TAX1BP1: variants seen among roughly 807,000 people sequenced by gnomAD.
TAX1BP1 encodes the protein tax1-binding protein 1.
In TAX1BP1, 62 loss-of-function variants were observed where a neutral mutation model predicts 97.7. The observed-to-expected ratio is 0.63, with a 90% CI of 0.52 to 0.78. The LOEUF is 0.78. TAX1BP1 is among the 30% of genes least tolerant of loss of function. TAX1BP1 has a pLI of 0.00. For missense variants in TAX1BP1, 867 were observed against 916.1 expected (o/e 0.95, Z 0.69); for synonymous variants, 340 against 304.2 (o/e 1.12, Z -1.23).
At chr7:27,777,362 G>A (rs985516215) in intron 5 of TAX1BP1, among the ~76,000 whole-genome samples, 3 of 152,080 alleles carry the variant, frequency 2.0e-5, no homozygotes, top group African/African-American at 7.3e-5. Flanking sequence ...TACCAGAGCA[G>A]CATTTAGACT....
chr7:27,780,188 A>T (rs1031328300), intron 5 of TAX1BP1, among the ~76,000 whole-genome samples: 8 of 152,210 alleles, frequency 5.3e-5, no homozygotes, highest in Non-Finnish European at 1.0e-4. Context: ...AGAGTATCTT[A>T]TAACTTAATC....
At position 27,779,430 on chromosome 7, in the gene TAX1BP1, G is replaced by A. The variant is rs145298219; in HGVS notation, c.613-5733G>A. Among the ~76,000 whole-genome samples the A allele has an allele frequency of 3.0e-3, 450 of 152,280 alleles. 5 individuals carry two copies. The highest frequency in any genetic ancestry group is 9.6e-3 in the African/African-American group (399 of 41,544). Reference sequence around the variant, plus strand: ...TGGATTAAGTGTACTCAGTATCATAGCAGTGTTTGAACTAGCTTTGTAATT... The same window carrying A: ...TGGATTAAGTGTACTCAGTATCATAACAGTGTTTGAACTAGCTTTGTAATT... On this transcript the variant is annotated intron_variant, in intron 5 of 16. Coordinates refer to ENST00000396319, the MANE Select transcript of TAX1BP1 (RefSeq NM_006024.7).
chr7:27,793,827 A>G (rs1789809845), intron 10 of TAX1BP1, among the ~76,000 whole-genome samples: 1 of 152,214 alleles, frequency 6.6e-6, no homozygotes, highest in Non-Finnish European at 1.5e-5. Flanking sequence ...AATGTAGAAG[A>G]AACATATTTA....
intron 15 of TAX1BP1, among the ~76,000 whole-genome samples, chr7:27,827,035 G>T (rs1013251551): frequency 6.6e-6 from 1 of 152,148 alleles, no homozygotes; most frequent in Admixed American, 6.5e-5. Flanking sequence ...GAGAACGTTT[G>T]GGACAATAAT....
chr7:27,788,688 C>A (rs1424644697), intron 8 of TAX1BP1, among the ~76,000 whole-genome samples: 3 of 151,934 alleles, frequency 2.0e-5, no homozygotes, highest in Non-Finnish European at 4.4e-5. Flanking sequence ...CCAGGGGAAC[C>A]TTTTCAAGCC....
intron 8 of TAX1BP1, among the ~76,000 whole-genome samples, chr7:27,789,729 A>G (rs564873328): frequency 6.6e-6 from 1 of 152,116 alleles, no homozygotes; most frequent in African/African-American, 2.4e-5. Flanking sequence ...TATTTTTAGT[A>G]ATTTGCTATT....
intron 5 of TAX1BP1, among the ~76,000 whole-genome samples, chr7:27,782,018 A>G (rs1789277605): frequency 6.6e-6 from 1 of 152,102 alleles, no homozygotes; most frequent in African/African-American, 2.4e-5. Context: ...ACCTGGCCAG[A>G]CTATACTAAA....
At chr7:27,771,094 G>A (rs60524058) in intron 5 of TAX1BP1, among the ~76,000 whole-genome samples, 5,803 of 95,578 alleles carry the variant, frequency 0.061, 414 homozygotes, top group African/African-American at 0.19. Context: ...AGGACATTCA[G>A]CAATTTTTTT....
intron 2 of TAX1BP1, 152 bp downstream of exon 2, chr7:27,748,838 A>G (rs1787921433): frequency 1.9e-6 from 1 of 516,968 alleles, no homozygotes; most frequent in South Asian, 1.0e-4. Flanking sequence ...GGAGTAGATA[A>G]AATGGATGTT....
chr7:27,818,453 A>G (rs1052076112), intron 15 of TAX1BP1, among the ~76,000 whole-genome samples: 1 of 152,210 alleles, frequency 6.6e-6, no homozygotes. Flanking sequence ...TTTAGTAAGA[A>G]TATGGAAAGC....
At chr7:27,739,427 T>C (rs1787484546), upstream of TAX1BP1, 1 of 152,130 alleles carries the variant, frequency 6.6e-6, no homozygotes, top group Admixed American at 6.5e-5. Context: ...TTCTGTGGAG[T>C]TACGATTCAA....
chr7:27,760,462 G>T (rs1788383157), intron 3 of TAX1BP1, among the ~76,000 whole-genome samples: 1 of 149,154 alleles, frequency 6.7e-6, no homozygotes. Context: ...GCGCGATCTC[G>T]GCTCATTGCA....
Position 27,800,083 on chromosome 7 carries a change from A to G in TAX1BP1, c.1757A>G (p.Asn586Ser), listed in dbSNP as rs1315634859. The change falls in exon 13 of 17, where the codon AAT becomes AGT. Residue 586 changes from asparagine to serine, a missense_variant. By Grantham distance (46) the Asn-to-Ser change is conservative. Around this residue, in one of 3 missense-constraint regions of TAX1BP1, gnomAD observed 822 missense variants for 851.4 expected, o/e 0.97. Coordinates refer to ENST00000396319, the MANE Select transcript of TAX1BP1 (RefSeq NM_006024.7). ...VKLELAEVQD[N>S]YKELKRSLEN... ...CTTGAACTAGCTGAAGTACAGGACA[A>G]TTATAAAGTAAGTTTGGTACTCCTT... 6.4e-7 allele frequency: 1 copy of G among 1,574,770 alleles called. No homozygotes were observed. The highest frequency in any genetic ancestry group is 1.2e-5 in the South Asian group (1 of 82,838).
rs771983263 is a variant in TAX1BP1 at position 27,800,111 on chromosome 7, A to G, written c.1764+21A>G. ...ATAAAGTAAGTTTGGTACTCCTTGT[A>G]TGTAAACTTAAGGCATAAACTTCTG... On this transcript the variant is annotated intron_variant, in intron 13 of 16. Coordinates refer to ENST00000396319, the MANE Select transcript of TAX1BP1 (RefSeq NM_006024.7). 3 of 1,545,996 alleles carry G rather than the reference A, an allele frequency of 1.9e-6. No individual in the cohort carries two copies. The South Asian group carries it at 3.9e-5, about 20-fold the overall frequency.
rs1030073721 is a variant in TAX1BP1, at chr7:27,792,239, A to G, written c.1263+9A>G. ...CTATGAAAAAAGATCAGGTAAAACA[A>G]GTTAATTTTGAATTTGCATTTTGAT... is the stretch of plus-strand genomic sequence containing the variant. On this transcript the variant is annotated intron_variant, in intron 9 of 16. Coordinates refer to ENST00000396319, the MANE Select transcript of TAX1BP1 (RefSeq NM_006024.7). The G allele has an allele frequency of 6.3e-7, 1 of 1,586,958 alleles. No individual in the cohort carries two copies. The highest frequency in any genetic ancestry group is 1.4e-5 in the African/African-American group (1 of 73,802).
intron 1 of TAX1BP1, 32 bp from the exon 2 acceptor site, chr7:27,748,486 A>G: frequency 1.4e-6 from 2 of 1,471,466 alleles, no homozygotes; most frequent in Non-Finnish European, 1.8e-6. Flanking sequence ...CTTAGTTGGT[A>G]TAATTTAACT....
chr7:27,764,502 C>T (rs1422528180), intron 3 of TAX1BP1, among the ~76,000 whole-genome samples: 3 of 152,086 alleles, frequency 2.0e-5, no homozygotes, highest in Non-Finnish European at 4.4e-5. Context: ...GTCCATACAT[C>T]TTATTACTGG....
At chr7:27,825,516 G>A (rs988301945) in intron 15 of TAX1BP1, among the ~76,000 whole-genome samples, 1 of 151,962 alleles carries the variant, frequency 6.6e-6, no homozygotes, top group African/African-American at 2.4e-5. Flanking sequence ...AGAACTTATT[G>A]TTTCTCATTA....
At chr7:27,797,479 T>TTGTG (rs529463639) in intron 12 of TAX1BP1, among the ~76,000 whole-genome samples, 159 of 152,178 alleles carry the variant, frequency 1.0e-3, no homozygotes, top group African/African-American at 3.6e-3. Context: ...TAAATGTGCT[T>TTGTG]TGTGTGTTTT....
Sources: allele counts gnomAD v4.1 joint callset (sites outside exome capture counted in the v4.1 genomes callset), GRCh38; gene constraint gnomAD v4.1.1; regional missense constraint gnomAD v4.1.1; transcripts MANE v1.5; gene names NCBI Gene and HGNC (gene_info 2026-07-23, HGNC 2026-07-21).